Variants in GALNTL6 observed in about 807,000 individuals in gnomAD.
The protein encoded by GALNTL6 is polypeptide N-acetylgalactosaminyltransferase-like 6.
Under a neutral mutation model 73.7 loss-of-function variants are expected in GALNTL6, and 46 were observed. That is an observed-to-expected ratio of 0.62 (90% CI 0.49 to 0.80). The LOEUF is 0.80. Among genes scored for constraint, GALNTL6 ranks in the 30% least tolerant of loss-of-function variants. The pLI is 0.00. For missense variants in GALNTL6, 604 were observed against 755.0 expected (o/e 0.80, Z 2.34); for synonymous variants, 259 against 263.7 (o/e 0.98, Z 0.17).
intron 7 of GALNTL6, among the ~76,000 whole-genome samples, chr4:172,875,916 CT>C (rs1745171841): frequency 6.6e-6 from 1 of 152,126 alleles, no homozygotes; most frequent in Non-Finnish European, 1.5e-5. Flanking sequence ...TGATGTAGGC[CT>C]TTGGCATCCA....
At chr4:172,240,717 G>A (rs1308438753) in intron 3 of GALNTL6, among the ~76,000 whole-genome samples, 1 of 152,104 alleles carries the variant, frequency 6.6e-6, no homozygotes, top group African/African-American at 2.4e-5. Flanking sequence ...TTCCTTAAAT[G>A]GCAGTTTTGT....
intron 7 of GALNTL6, among the ~76,000 whole-genome samples, chr4:172,828,683 C>A (rs927541396): frequency 5.9e-5 from 9 of 152,116 alleles, no homozygotes; most frequent in African/African-American, 2.2e-4. Context: ...AGAAAGGGAA[C>A]AAGTACAATT....
At chr4:172,330,356 TC>T (rs1464162466) in intron 4 of GALNTL6, among the ~76,000 whole-genome samples, 11 of 152,138 alleles carry the variant, frequency 7.2e-5, no homozygotes, top group Admixed American at 7.2e-4. Context: ...GAGGTGTGGG[TC>T]CCCGGAGCTG....
intron 2 of GALNTL6, among the ~76,000 whole-genome samples, chr4:172,220,456 C>G (rs758667019): frequency 6.6e-6 from 1 of 151,830 alleles, no homozygotes; most frequent in East Asian, 1.9e-4. Context: ...CACTAAAATA[C>G]TGGTGCTAGA....
chr4:172,208,470 A>G (rs965380784), intron 2 of GALNTL6, among the ~76,000 whole-genome samples: 7 of 152,196 alleles, frequency 4.6e-5, no homozygotes, highest in Non-Finnish European at 8.8e-5. Flanking sequence ...AATCAGACAT[A>G]TCTGAGTTTC....
chr4:172,294,587 A>G (rs1379242013), intron 3 of GALNTL6, among the ~76,000 whole-genome samples: 1 of 152,142 alleles, frequency 6.6e-6, no homozygotes, highest in Non-Finnish European at 1.5e-5. Flanking sequence ...GGAGAGAGAA[A>G]ACAGAAATTC....
At chr4:172,012,926 GTT>G (rs1178051649) in intron 2 of GALNTL6, among the ~76,000 whole-genome samples, 1 of 151,944 alleles carries the variant, frequency 6.6e-6, no homozygotes, top group Non-Finnish European at 1.5e-5. Flanking sequence ...ACCCCCAAAA[GTT>G]CTCTGGTACA....
At chr4:172,448,509 A>G (rs1732104079) in intron 5 of GALNTL6, among the ~76,000 whole-genome samples, 1 of 152,186 alleles carries the variant, frequency 6.6e-6, no homozygotes, top group Non-Finnish European at 1.5e-5. Flanking sequence ...ATCAGAAGTT[A>G]CTCATATTTA....
At chr4:172,428,419 G>A (rs1264290122) in intron 5 of GALNTL6, among the ~76,000 whole-genome samples, 1 of 152,100 alleles carries the variant, frequency 6.6e-6, no homozygotes, top group African/African-American at 2.4e-5. Context: ...TTTAAATTGG[G>A]AGATTAAAAT....
chr4:172,035,670 C>T (rs1029475049), intron 2 of GALNTL6, among the ~76,000 whole-genome samples: 3 of 152,106 alleles, frequency 2.0e-5, no homozygotes, highest in African/African-American at 7.2e-5. Flanking sequence ...CCTCATACAT[C>T]ATCTTAATGG....
intron 4 of GALNTL6, among the ~76,000 whole-genome samples, chr4:172,316,913 G>T (rs531392547): frequency 2.7e-4 from 41 of 152,068 alleles, no homozygotes; most frequent in Non-Finnish European, 4.9e-4. Flanking sequence ...AGGCAAGCAG[G>T]TTCCAAAGCA....
intron 2 of GALNTL6, among the ~76,000 whole-genome samples, chr4:172,028,373 A>G (rs1458666719): frequency 3.3e-5 from 5 of 152,086 alleles, no homozygotes; most frequent in African/African-American, 1.2e-4. Flanking sequence ...ATTTTATAAG[A>G]AGTTACCTTT....
intron 5 of GALNTL6, among the ~76,000 whole-genome samples, chr4:172,664,378 G>A (rs1194390131): frequency 6.6e-6 from 1 of 152,168 alleles, no homozygotes; most frequent in Non-Finnish European, 1.5e-5. Flanking sequence ...TCATTTGACA[G>A]TACAGTTCTC....
intron 5 of GALNTL6, among the ~76,000 whole-genome samples, chr4:172,498,513 T>G (rs1561112194): frequency 6.6e-6 from 1 of 152,230 alleles, no homozygotes; most frequent in Non-Finnish European, 1.5e-5. Flanking sequence ...TTATTAATTT[T>G]GTGGGTTACA....
chr4:172,601,948 G>C (rs766055610), intron 5 of GALNTL6, among the ~76,000 whole-genome samples: 39 of 151,980 alleles, frequency 2.6e-4, no homozygotes, highest in Non-Finnish European at 4.6e-4. Flanking sequence ...CAAATTAATA[G>C]GAAAAATGTT....
chr4:172,833,091 G>A (rs1372278983), intron 7 of GALNTL6, among the ~76,000 whole-genome samples: 1 of 151,928 alleles, frequency 6.6e-6, no homozygotes, highest in African/African-American at 2.4e-5. Flanking sequence ...GCTTGGGGGT[G>A]GGGGGTAGGG....
intron 5 of GALNTL6, among the ~76,000 whole-genome samples, chr4:172,487,559 T>C (rs1733742244): frequency 6.6e-6 from 1 of 151,730 alleles, no homozygotes; most frequent in Non-Finnish European, 1.5e-5. Flanking sequence ...GCTAATTCTT[T>C]GTATTTTTAG....
At chr4:172,552,837 T>TAAAAAAAAAAAAAAAAAAAAAAAAAAAAA (rs397933315) in intron 5 of GALNTL6, among the ~76,000 whole-genome samples, 2 of 80,408 alleles carry the variant, frequency 2.5e-5, no homozygotes, top group African/African-American at 1.2e-4. Context: ...GTAATTGCAG[T>TAAAAAAAAAAAAAAAAAAAAAAAAAAAAA]AAAAAAAAAA....
rs570544222 is a variant in GALNTL6 at position 172,484,649 on chromosome 4, C to T, written c.553+135960C>T. Reference sequence around the variant, plus strand: ...TTTTGAAATGTCAATAGCAGTAGCACCTTATTAAGTGCATCACAGACAGAA... The same window carrying T: ...TTTTGAAATGTCAATAGCAGTAGCATCTTATTAAGTGCATCACAGACAGAA... On this transcript the variant is annotated intron_variant, in intron 5 of 12. Coordinates refer to ENST00000506823, the MANE Select transcript of GALNTL6 (RefSeq NM_001034845.3). Among the ~76,000 whole-genome samples the T allele has an allele frequency of 6.6e-5, 10 of 152,210 alleles. No homozygotes were observed. In the South Asian group the frequency reaches 2.1e-3, roughly 32 times the overall value.
Sources: allele counts gnomAD v4.1 joint callset (sites outside exome capture counted in the v4.1 genomes callset), GRCh38; gene constraint gnomAD v4.1.1; transcripts MANE v1.5; gene names NCBI Gene and HGNC (gene_info 2026-07-23, HGNC 2026-07-21).